The following GALNTL6 variants were observed in gnomAD, a reference collection of about 807,000 sequenced individuals.
GALNTL6 encodes polypeptide N-acetylgalactosaminyltransferase-like 6.
GALNTL6 carries 46 observed loss-of-function variants against 73.7 expected under a neutral mutation model. That is an observed-to-expected ratio of 0.62 (90% confidence interval 0.49 to 0.80). The LOEUF is 0.80. Among genes scored for constraint, GALNTL6 ranks in the 30% least tolerant of loss-of-function variants. The pLI, the probability that GALNTL6 is intolerant of heterozygous loss-of-function variation, is 0.00. For synonymous variants in GALNTL6, 259 were observed against 263.7 expected (o/e 0.98, Z 0.17); for missense variants, 604 against 755.0 (o/e 0.80, Z 2.34).
intron 2 of GALNTL6, among the ~76,000 whole-genome samples, chr4:172,075,727 T>C (rs888551714): frequency 2.6e-5 from 4 of 151,998 alleles, no homozygotes; most frequent in Admixed American, 1.3e-4. Context: ...TCCCTTCTGC[T>C]CTAATACCCT....
intron 5 of GALNTL6, among the ~76,000 whole-genome samples, chr4:172,387,969 A>T (rs1282209625): frequency 6.6e-6 from 1 of 152,074 alleles, no homozygotes; most frequent in African/African-American, 2.4e-5. Context: ...TCCACAATCT[A>T]ATACAAATGT....
At chr4:172,467,259 T>C (rs554534627) in intron 5 of GALNTL6, among the ~76,000 whole-genome samples, 1 of 152,342 alleles carries the variant, frequency 6.6e-6, no homozygotes, top group East Asian at 1.9e-4. Context: ...CTAAAACCAC[T>C]AGCATGATTG....
chr4:172,837,090 T>C (rs188237212), intron 7 of GALNTL6, among the ~76,000 whole-genome samples: 1 of 152,350 alleles, frequency 6.6e-6, no homozygotes, highest in Non-Finnish European at 1.5e-5. Context: ...CTCTCAGTTA[T>C]CTATGTGCCA....
At chr4:172,779,975 T>C (rs1191899604) in intron 5 of GALNTL6, among the ~76,000 whole-genome samples, 3 of 152,322 alleles carry the variant, frequency 2.0e-5, no homozygotes, top group East Asian at 1.9e-4. Flanking sequence ...GTTCTCAAAC[T>C]AATGTGCTAC....
intron 5 of GALNTL6, among the ~76,000 whole-genome samples, chr4:172,739,376 C>T (rs1736669795): frequency 6.6e-6 from 1 of 152,096 alleles, no homozygotes; most frequent in South Asian, 2.1e-4. Flanking sequence ...GAAGTTCATG[C>T]TCATTTGTTT....
intron 5 of GALNTL6, among the ~76,000 whole-genome samples, chr4:172,452,352 A>C (rs1732244247): frequency 6.7e-6 from 1 of 149,928 alleles, no homozygotes; most frequent in South Asian, 2.1e-4. Flanking sequence ...GGTGCAAAAC[A>C]AAACTAAAAC....
chr4:172,268,612 A>G (rs1393854875), intron 3 of GALNTL6, among the ~76,000 whole-genome samples: 1 of 152,132 alleles, frequency 6.6e-6, no homozygotes, highest in African/African-American at 2.4e-5. Flanking sequence ...TGGGGAAACA[A>G]ATCTGAACTC....
chr4:172,362,214 G>A (rs1395506958), intron 5 of GALNTL6, among the ~76,000 whole-genome samples: 1 of 151,994 alleles, frequency 6.6e-6, no homozygotes, highest in Non-Finnish European at 1.5e-5. Context: ...CCTATCTCTG[G>A]TGTCCCTGTG....
At chr4:172,803,550 C>A (rs1740782104) in intron 5 of GALNTL6, among the ~76,000 whole-genome samples, 2 of 152,244 alleles carry the variant, frequency 1.3e-5, no homozygotes, top group African/African-American at 4.8e-5. Context: ...AGATTCAATG[C>A]ATTTGACAAG....
intron 2 of GALNTL6, among the ~76,000 whole-genome samples, chr4:171,834,351 C>G (rs1735048621): frequency 6.6e-6 from 1 of 151,908 alleles, no homozygotes; most frequent in Non-Finnish European, 1.5e-5. Flanking sequence ...CTCAGTTTAG[C>G]TCAAGTCTTA....
intron 5 of GALNTL6, among the ~76,000 whole-genome samples, chr4:172,587,103 A>C (rs907898826): frequency 6.6e-6 from 1 of 151,208 alleles, no homozygotes; most frequent in Non-Finnish European, 1.5e-5. Context: ...GTGTGTGCAC[A>C]TGTGAAAATA....
intron 5 of GALNTL6, among the ~76,000 whole-genome samples, chr4:172,557,160 G>C (rs1406278825): frequency 6.6e-6 from 1 of 152,084 alleles, no homozygotes; most frequent in Non-Finnish European, 1.5e-5. Flanking sequence ...GGAGTTGTAA[G>C]GAAAAATTGC....
chr4:172,529,863 T>TTTTATTTTTTTTA (rs1554032972), intron 5 of GALNTL6, among the ~76,000 whole-genome samples: 1 of 138,688 alleles, frequency 7.2e-6, no homozygotes, highest in East Asian at 2.1e-4. Context: ...TTTATTTTTA[T>TTTTATTTTTTTTA]TTTATTTATT....
chr4:172,668,797 A>T (rs1340490990), intron 5 of GALNTL6: 1 of 152,182 alleles, frequency 6.6e-6, no homozygotes, highest in Non-Finnish European at 1.5e-5. Flanking sequence ...GGTTCATCAC[A>T]TGGTCCAAAG....
rs34999026 is a variant in GALNTL6, at chr4:172,477,189, C to CAG, written c.553+128515_553+128516dup. On this transcript the variant is annotated intron_variant, in intron 5 of 12. Transcript: ENST00000506823. ...GACTTTAAAAGATACATGTGTAAAG[C>CAG]AGAGAGAGAGAGAGAGCACTCCTAA... 7.9e-3 allele frequency among the ~76,000 whole-genome samples: 1,176 copies of CAG among 148,122 alleles called. 16 individuals are homozygous for CAG. Among genetic ancestry groups the CAG allele is most frequent in the African/African-American group, 0.026 (1,069 of 40,550 alleles).
intron 5 of GALNTL6, among the ~76,000 whole-genome samples, chr4:172,644,934 T>C (rs1740169318): frequency 6.6e-6 from 1 of 152,018 alleles, no homozygotes; most frequent in Non-Finnish European, 1.5e-5. Context: ...CTTATTTGCA[T>C]TTCATAATGA....
At chr4:172,052,108 A>G (rs1395956568) in intron 2 of GALNTL6, among the ~76,000 whole-genome samples, 1 of 152,188 alleles carries the variant, frequency 6.6e-6, no homozygotes, top group African/African-American at 2.4e-5. Context: ...GTATTCACCT[A>G]TGACTGCTGA....
At chr4:172,786,880 C>T (rs1049625217) in intron 5 of GALNTL6, among the ~76,000 whole-genome samples, 6 of 152,156 alleles carry the variant, frequency 3.9e-5, no homozygotes, top group Non-Finnish European at 8.8e-5. Context: ...CATAAGTAGA[C>T]TGAGCCATGT....
intron 2 of GALNTL6, among the ~76,000 whole-genome samples, chr4:171,945,430 C>T (rs796943601): frequency 1.3e-5 from 2 of 152,070 alleles, no homozygotes; most frequent in East Asian, 3.9e-4. Context: ...GGATAAGCAG[C>T]AATGCAGTGA....
Sources: allele counts gnomAD v4.1 joint callset (sites outside exome capture counted in the v4.1 genomes callset), GRCh38; gene constraint gnomAD v4.1.1; transcripts MANE v1.5; gene names NCBI Gene and HGNC (gene_info 2026-07-23, HGNC 2026-07-21).